Variants in SMARCA4 observed in about 807,000 individuals in gnomAD.
SMARCA4 encodes SWI/SNF related BAF chromatin remodeling complex subunit ATPase 4.
In SMARCA4, 31 loss-of-function variants were observed where a neutral mutation model predicts 193.9. The ratio of observed to expected loss-of-function variants is 0.16; its 90% CI spans 0.12 to 0.22. The LOEUF is 0.22. SMARCA4 is among the 10% of genes least tolerant of loss of function. SMARCA4 has a pLI of 1.00. For synonymous variants in SMARCA4, 942 were observed against 933.1 expected, an observed-to-expected ratio of 1.01 and a Z score of -0.17; for missense variants, 1,148 against 2,296.0, an observed-to-expected ratio of 0.50 and a Z score of 10.22.
intron 7 of SMARCA4, among the ~76,000 whole-genome samples, chr19:10,990,135 G>A (rs557247624): frequency 1.2e-4 from 18 of 150,226 alleles, no homozygotes; most frequent in South Asian, 2.1e-4. Context: ...GACTATAGGC[G>A]TGCACCATTA....
chr19:10,984,655 A>T lies in SMARCA4; in HGVS notation c.222+282A>T, dbSNP rs1463317423. Among the ~76,000 whole-genome samples, 1 of 152,274 alleles carries T rather than the reference A, an allele frequency of 6.6e-6. No homozygotes were observed. The highest frequency in any genetic ancestry group is 1.5e-5 in the Non-Finnish European group (1 of 68,046). On this transcript the variant is annotated intron_variant, in intron 2 of 34. Coordinates refer to ENST00000344626, the MANE Select transcript of SMARCA4 (RefSeq NM_003072.5). The surrounding 1 kb of genome is among the most constrained non-coding windows in gnomAD (Gnocchi z 4.3). ...ATGTGAAATTTGGGAATATCACTAC[A>T]AAGTTTTCTTTTGGTAATGAAGAAA...
rs2146682643 is a variant in SMARCA4, at chr19:11,034,259, C to G, written c.3951+59C>G. The G allele has an allele frequency of 7.4e-7, 1 of 1,343,338 alleles. No individual in the cohort carries two copies. Among genetic ancestry groups the G allele is most frequent in the South Asian group, 1.2e-5 (1 of 85,552 alleles). 83.2% of individuals were successfully genotyped at this position (1,343,338 alleles called of 1,614,324 possible). A position where few individuals can be genotyped will look rare whatever the true frequency, so the allele number is the denominator to read the frequency against. On this transcript the variant is annotated intron_variant, in intron 28 of 34. Transcript: ENST00000344626. The surrounding 1 kb of genome is among the most constrained non-coding windows in gnomAD (Gnocchi z 7.0). The stretch of plus-strand genomic sequence containing the variant: ...CATCCCACTCTGCTGCCACCAGGAG[C>G]AAAGCAGACGTCCTAGTGCCCATGG...
chr19:10,971,205 A>G (rs1260750085), intron 1 of SMARCA4, among the ~76,000 whole-genome samples: 3 of 152,106 alleles, frequency 2.0e-5, no homozygotes, highest in Non-Finnish European at 4.4e-5. Context: ...TCAAAGAAAA[A>G]AAAAAGAAAC....
chr19:11,019,462 C>T lies in SMARCA4; in HGVS notation c.2506-129C>T, dbSNP rs1040139330. ...CGCCAGCGGCCCTGCCAGCCCCTTT[C>T]CCCACTACCCCTGTGAGGACGAGCC... On this transcript the variant is annotated intron_variant, in intron 17 of 34. Transcript: ENST00000344626. The surrounding 1 kb of genome is among the most constrained non-coding windows in gnomAD (Gnocchi z 6.1). The T allele has an allele frequency of 7.3e-6, 5 of 682,422 alleles. No individual in the cohort carries two copies. The highest frequency in any genetic ancestry group is 5.4e-5 in the East Asian group (2 of 36,912). The allele number at this position is 682,422 out of a possible 1,614,324, so 42.3% of individuals were successfully genotyped here.
intron 11 of SMARCA4, 119 bp from the exon 12 acceptor site, chr19:11,002,910 C>A: frequency 9.4e-7 from 1 of 1,068,484 alleles, no homozygotes; most frequent in Non-Finnish European, 1.4e-6. Flanking sequence ...CACCACTGGC[C>A]ATGTTTGCCT....
Position 11,023,524 on chromosome 19 carries a change from C to T in SMARCA4, c.2866C>T (p.Leu956=), listed in dbSNP as rs2146452136. The change falls in exon 20 of 35, where the codon CTG becomes TTG. Residue 956 remains leucine, a synonymous_variant. Coordinates refer to ENST00000344626, the MANE Select transcript of SMARCA4 (RefSeq NM_003072.5). The stretch of plus-strand genomic sequence containing the variant: ...CTGTCTTGGGGGCTTCCAGGTGGAC[C>T]TGAATGAGGAGGAAACCATTCTCAT... The part of the protein sequence containing the change: ...PFAMTGEKVD[L]NEEETILIIR... 6.2e-7 allele frequency: 1 copy of T among 1,608,738 alleles called. No homozygotes were observed. Among genetic ancestry groups the T allele is most frequent in the Non-Finnish European group, 8.5e-7 (1 of 1,175,510 alleles).
chr19:11,056,656 G>T (rs1244022003), intron 30 of SMARCA4, among the ~76,000 whole-genome samples: 1 of 152,176 alleles, frequency 6.6e-6, no homozygotes, highest in Non-Finnish European at 1.5e-5. Context: ...GGTTGTCAAG[G>T]CCAGGGGAGG....
chr19:11,012,725 C>G (rs891452605), intron 15 of SMARCA4: 2 of 596,324 alleles, frequency 3.4e-6, no homozygotes, highest in Non-Finnish European at 6.1e-6. Context: ...GTCCATCGTT[C>G]GCACAGTCAT....
At chr19:10,966,373 T>C (rs2084220391) in intron 1 of SMARCA4, among the ~76,000 whole-genome samples, 1 of 152,242 alleles carries the variant, frequency 6.6e-6, no homozygotes, top group South Asian at 2.1e-4. Flanking sequence ...GGCAAATCAC[T>C]TGATCCCAGG....
At chr19:10,963,523 G>A (rs2083978366) in intron 1 of SMARCA4, among the ~76,000 whole-genome samples, 1 of 152,168 alleles carries the variant, frequency 6.6e-6, no homozygotes, top group East Asian at 1.9e-4. Context: ...ACAAAGTGTG[G>A]GGTGGTGGTT....
In SMARCA4 at chr19:10,982,696, G is replaced by A. The variant is rs541189549; in HGVS notation, c.-31-1425G>A. 3.1e-3 allele frequency among the ~76,000 whole-genome samples: 470 copies of A among 152,006 alleles called. 3 individuals carry two copies. The highest frequency in any genetic ancestry group is 9.0e-3 in the African/African-American group (374 of 41,496). ...TTTTTTTGTATTTTTAGTAGAGACA[G>A]GGTTTCACCATGTTACCCAGGATGG... On this transcript the variant is annotated intron_variant, in intron 1 of 34. Transcript: ENST00000344626.
Position 11,019,845 on chromosome 19 carries a change from A to G in SMARCA4, c.2616+144A>G. On this transcript the variant is annotated intron_variant, in intron 18 of 34. Coordinates refer to ENST00000344626, the MANE Select transcript of SMARCA4 (RefSeq NM_003072.5). This position sits in a 1 kb window ranked among gnomAD's most constrained non-coding sequence, Gnocchi z 6.1. ...TGAAGACAGCTGCCCTGTGTAGGGG[A>G]AAGGCCTAGGTGGGGGCGACCTCAG... 2.8e-6 allele frequency: 2 copies of G among 702,642 alleles called. No individual in the cohort carries two copies. Among genetic ancestry groups the G allele is most frequent in the Non-Finnish European group, 5.1e-6 (2 of 389,956 alleles). 43.5% of individuals were successfully genotyped at this position (702,642 alleles called of 1,614,324 possible).
chr19:10,964,110 C>T (rs1371846633), intron 1 of SMARCA4, among the ~76,000 whole-genome samples: 5 of 151,986 alleles, frequency 3.3e-5, no homozygotes, highest in Non-Finnish European at 7.4e-5. Context: ...GTGCAGTGGT[C>T]TCTAAACTTC....
intron 7 of SMARCA4, 119 bp downstream of exon 7, chr19:10,989,562 C>T: frequency 2.5e-6 from 3 of 1,177,336 alleles, no homozygotes; most frequent in East Asian, 2.5e-5. Flanking sequence ...TGAAAAGCAG[C>T]CGTGGCCATC....
chr19:11,053,901 A>T (rs2076398597), intron 30 of SMARCA4, among the ~76,000 whole-genome samples: 1 of 152,156 alleles, frequency 6.6e-6, no homozygotes, highest in African/African-American at 2.4e-5. Flanking sequence ...ACAGAACAAG[A>T]TCGTGTCTGT....
chr19:10,968,722 T>C (rs1260013430), intron 1 of SMARCA4, among the ~76,000 whole-genome samples: 1 of 152,186 alleles, frequency 6.6e-6, no homozygotes, highest in Non-Finnish European at 1.5e-5. Flanking sequence ...GTGGCTGATG[T>C]GACAGTTGCT....
At chr19:11,028,548 A>T (rs1053145199) in intron 24 of SMARCA4, among the ~76,000 whole-genome samples, 4 of 152,030 alleles carry the variant, frequency 2.6e-5, no homozygotes, top group Non-Finnish European at 5.9e-5. Flanking sequence ...CTGGAATCAG[A>T]CTCTGTGGTG....
rs2090105331 is a variant in SMARCA4 at position 11,024,451 on chromosome 19, G to A, written c.3081+13G>A. 2 of 1,567,354 alleles carry A rather than the reference G, an allele frequency of 1.3e-6. No homozygotes were observed. The highest frequency in any genetic ancestry group is 1.8e-6 in the Non-Finnish European group (2 of 1,138,666). ...GAAGGACAAGAAGGTGGGCCCCAGA[G>A]TCCCCCAACTGCATTCCCCACTGGG... On this transcript the variant is annotated intron_variant, in intron 21 of 34. Transcript: ENST00000344626.
chr19:11,052,931 G>T (rs1273558258), intron 30 of SMARCA4, among the ~76,000 whole-genome samples: 1 of 152,182 alleles, frequency 6.6e-6, no homozygotes, highest in Admixed American at 6.5e-5. Flanking sequence ...GCCAGTCCCC[G>T]CCTCGCAGTG....
Sources: allele counts gnomAD v4.1 joint callset (sites outside exome capture counted in the v4.1 genomes callset), GRCh38; gene constraint gnomAD v4.1.1; non-coding constraint Gnocchi (gnomAD v3.1); transcripts MANE v1.5; gene names NCBI Gene and HGNC (gene_info 2026-07-23, HGNC 2026-07-21).